Variants in SMYD3 observed in about 807,000 individuals in gnomAD.
The protein encoded by SMYD3 is histone-lysine N-methyltransferase SMYD3.
Under a neutral mutation model 57.7 loss-of-function variants are expected in SMYD3, and 36 were observed. The ratio of observed to expected loss-of-function variants is 0.62; its 90% CI spans 0.48 to 0.82. The LOEUF (loss-of-function observed/expected upper bound fraction) is 0.82, where lower values mean the gene tolerates loss of function less well. SMYD3 is among the 40% of genes least tolerant of loss of function. SMYD3 has a pLI of 0.00. For synonymous variants in SMYD3, 211 were observed against 195.0 expected (o/e 1.08, Z -0.68); for missense variants, 515 against 538.8 (o/e 0.96, Z 0.44).
intron 5 of SMYD3, among the ~76,000 whole-genome samples, chr1:246,285,218 G>C (rs1234334883): frequency 6.6e-6 from 1 of 152,114 alleles, no homozygotes; most frequent in Admixed American, 6.6e-5. Flanking sequence ...CACAATGTTT[G>C]GTTTTCCATT....
chr1:246,019,574 G>A (rs1208799643), intron 5 of SMYD3, among the ~76,000 whole-genome samples: 2 of 152,234 alleles, frequency 1.3e-5, no homozygotes, highest in East Asian at 1.9e-4. Context: ...AAAGATGATC[G>A]TAGCTGTGTT....
intron 5 of SMYD3, among the ~76,000 whole-genome samples, chr1:246,147,772 G>T (rs1477560650): frequency 6.6e-6 from 1 of 152,032 alleles, no homozygotes; most frequent in African/African-American, 2.4e-5. Flanking sequence ...CTGCAGACCT[G>T]GGCTTCGCGC....
At chr1:246,305,818 A>C (rs1248809521) in intron 5 of SMYD3, 1 of 152,360 alleles carries the variant, frequency 6.6e-6, no homozygotes, top group South Asian at 2.1e-4. Context: ...ATCTTAATAA[A>C]TGAGTATGAT....
At chr1:246,194,808 A>T (rs2062805556) in intron 5 of SMYD3, among the ~76,000 whole-genome samples, 1 of 152,238 alleles carries the variant, frequency 6.6e-6, no homozygotes, top group South Asian at 2.1e-4. Flanking sequence ...TTCCATTATC[A>T]GAGAAATTCT....
At chr1:246,268,558 G>A (rs558792082) in intron 5 of SMYD3, among the ~76,000 whole-genome samples, 3 of 152,084 alleles carry the variant, frequency 2.0e-5, no homozygotes, top group African/African-American at 7.2e-5. Flanking sequence ...AAAGACATTA[G>A]CCGGGCATGG....
chr1:246,149,739 C>G (rs1271214918), intron 5 of SMYD3, among the ~76,000 whole-genome samples: 2 of 152,136 alleles, frequency 1.3e-5, no homozygotes, highest in Non-Finnish European at 2.9e-5. Context: ...CCAAAATATG[C>G]CAAGTAGACA....
At chr1:245,808,474 G>A (rs534923328) in intron 10 of SMYD3, among the ~76,000 whole-genome samples, 3 of 152,314 alleles carry the variant, frequency 2.0e-5, no homozygotes, top group East Asian at 3.9e-4. Context: ...GGAAATAAGC[G>A]TAGCCTCCAC....
intron 1 of SMYD3, among the ~76,000 whole-genome samples, chr1:246,411,972 T>TA (rs762945152): frequency 0.093 from 7,646 of 82,518 alleles, 258 homozygotes; most frequent in Middle Eastern, 0.28. Flanking sequence ...ACTTAAAGTA[T>TA]AATAAAAAAA....
At chr1:246,414,131 AG>A (rs2102989532) in intron 1 of SMYD3, among the ~76,000 whole-genome samples, 1 of 152,292 alleles carries the variant, frequency 6.6e-6, no homozygotes, top group African/African-American at 2.4e-5. Flanking sequence ...TTTGGAATCC[AG>A]GCTCCTCCTA....
chr1:246,305,278 G>C (rs895999508), intron 5 of SMYD3, among the ~76,000 whole-genome samples: 1 of 152,078 alleles, frequency 6.6e-6, no homozygotes, highest in African/African-American at 2.4e-5. Context: ...ATACAGAATC[G>C]CTTCCAGAAA....
At chr1:245,977,697 C>A (rs552381470) in intron 5 of SMYD3, among the ~76,000 whole-genome samples, 3 of 152,182 alleles carry the variant, frequency 2.0e-5, no homozygotes, top group Non-Finnish European at 4.4e-5. Context: ...AAACAAAAAA[C>A]CCCAAAACTT....
chr1:245,838,615 T>C (rs1308091181), intron 10 of SMYD3, among the ~76,000 whole-genome samples: 1 of 152,146 alleles, frequency 6.6e-6, no homozygotes, highest in East Asian at 1.9e-4. Context: ...AATGCCAAGT[T>C]GACAAATGCA....
At chr1:245,863,337 T>C (rs758927604) in intron 9 of SMYD3, among the ~76,000 whole-genome samples, 8 of 152,190 alleles carry the variant, frequency 5.3e-5, no homozygotes, top group Non-Finnish European at 1.0e-4. Flanking sequence ...TTACTATTCA[T>C]GCTGAGAAAA....
At chr1:246,425,513 C>G (rs2067205444) in intron 1 of SMYD3, among the ~76,000 whole-genome samples, 1 of 152,146 alleles carries the variant, frequency 6.6e-6, no homozygotes, top group African/African-American at 2.4e-5. Context: ...TGAGAGTGTT[C>G]ACTGGCTGGG....
intron 10 of SMYD3, among the ~76,000 whole-genome samples, chr1:245,799,274 G>A (rs1399999544): frequency 6.6e-6 from 1 of 152,182 alleles, no homozygotes; most frequent in South Asian, 2.1e-4. Flanking sequence ...GAGGGGAGGG[G>A]TTGCAGCAGC....
chr1:245,942,229 C>A (rs181036531), intron 5 of SMYD3, among the ~76,000 whole-genome samples: 13 of 152,270 alleles, frequency 8.5e-5, no homozygotes, highest in African/African-American at 2.9e-4. Context: ...GTGTTTAAGA[C>A]ACCCATCTCA....
At chr1:246,506,461 A>T in intron 1 of SMYD3, among the ~76,000 whole-genome samples, 1 of 152,164 alleles carries the variant, frequency 6.6e-6, no homozygotes, top group Non-Finnish European at 1.5e-5. Flanking sequence ...CCCTTCTGGT[A>T]CACTGTAATT....
intron 10 of SMYD3, among the ~76,000 whole-genome samples, chr1:245,824,682 C>T (rs1382754687): frequency 2.0e-5 from 3 of 152,046 alleles, no homozygotes; most frequent in African/African-American, 7.2e-5. Context: ...ATGGAGAAAC[C>T]CTGTTTCTAC....
At chr1:246,452,539 G>A (rs956712997) in intron 1 of SMYD3, among the ~76,000 whole-genome samples, 9 of 152,084 alleles carry the variant, frequency 5.9e-5, no homozygotes, top group Non-Finnish European at 1.3e-4. Context: ...ATAAATATTG[G>A]TGCAAAAACT....
Sources: allele counts gnomAD v4.1 joint callset (sites outside exome capture counted in the v4.1 genomes callset), GRCh38; gene constraint gnomAD v4.1.1; transcripts MANE v1.5; gene names NCBI Gene and HGNC (gene_info 2026-07-23, HGNC 2026-07-21).